ZNF302: variants seen among roughly 807,000 people sequenced by gnomAD.
ZNF302 encodes the protein zinc finger protein 302.
A neutral mutation model predicts 10.8 loss-of-function variants in ZNF302; 12 were observed. That is an observed-to-expected ratio of 1.11 (90% CI 0.71 to 1.79). The LOEUF is 1.79. Ranked by LOEUF, ZNF302 falls within the 40% of genes most tolerant of loss-of-function variation. The pLI, the probability that ZNF302 is intolerant of heterozygous loss-of-function variation, is 0.00. For missense variants in ZNF302, 461 were observed against 471.1 expected, an observed-to-expected ratio of 0.98 and a Z score of 0.20; for synonymous variants, 178 against 157.5, an observed-to-expected ratio of 1.13 and a Z score of -0.98.
intron 2 of ZNF302, among the ~76,000 whole-genome samples, chr19:34,680,200 G>A (rs1342738508): frequency 6.6e-6 from 1 of 152,062 alleles, no homozygotes; most frequent in African/African-American, 2.4e-5. Context: ...CAAAGTAAAG[G>A]CTAAAGTGAA....
intron 4 of ZNF302, chr19:34,683,943 A>T: frequency 7.8e-7 from 1 of 1,281,796 alleles, no homozygotes; most frequent in Non-Finnish European, 9.9e-7. Context: ...TCCACATCTT[A>T]TTTCTGATAC....
chr19:34,677,686 C>G lies in ZNF302; in HGVS notation c.-486C>G, dbSNP rs34042212. On this transcript the variant is annotated 5_prime_UTR_variant, in exon 1 of 5. Coordinates refer to ENST00000505242, the MANE Select transcript of ZNF302 (RefSeq NM_001289187.2). ...CGTGGGCGGTGCACTGGGTCAGTCC[C>G]GCGATAGCTTCAGGCCTGGCGGCGG... 10 of 152,352 alleles carry G rather than the reference C, an allele frequency of 6.6e-5. No homozygotes were observed. Among genetic ancestry groups the G allele is most frequent in the Non-Finnish European group, 1.0e-4 (7 of 68,156 alleles). 9.4% of individuals were successfully genotyped at this position (152,352 alleles called of 1,614,324 possible). A position where few individuals can be genotyped will look rare whatever the true frequency, so the allele number is the denominator to read the frequency against.
rs201755163 is a variant in ZNF302, at chr19:34,684,882, A to G, written c.845A>G (p.Glu282Gly). 727 of 1,613,828 alleles carry G rather than the reference A, an allele frequency of 4.5e-4. 1 individual carries two copies. The highest frequency in any genetic ancestry group is 5.8e-4 in the Non-Finnish European group (690 of 1,179,852). The change falls in exon 5 of 5, where the codon GAG becomes GGG. Residue 282 changes from glutamate to glycine, a missense_variant. Glu to Gly is a moderately conservative substitution (Grantham distance 98). Transcript: ENST00000505242. Reference sequence around the variant, plus strand: ...AACCATCAGAGCACTCACACGGGAGAGAAACCGTATGAATGTATGAACTGT... The same window carrying G: ...AACCATCAGAGCACTCACACGGGAGGGAAACCGTATGAATGTATGAACTGT... ...LTNHQSTHTG[E>G]KPYECMNCGK...
In ZNF302 at chr19:34,684,158, T is replaced by C. The variant is rs577153165; in HGVS notation, c.215-94T>C. 97 of 1,150,376 alleles carry C rather than the reference T, an allele frequency of 8.4e-5. 1 individual carries two copies. The Middle Eastern group carries it at 1.8e-3, about 22-fold the overall frequency. 71.3% of individuals were successfully genotyped at this position (1,150,376 alleles called of 1,614,324 possible). On this transcript the variant is annotated intron_variant, in intron 4 of 4. Transcript: ENST00000505242. ...ATTCTCCTAATTCCACTGTAGAAGC[T>C]TTTTTCAAGAAGTAAAAAAAAAAAA... is the stretch of plus-strand genomic sequence containing the variant.
rs1420753821 is a variant in ZNF302 at position 34,682,817 on chromosome 19, A to G, written c.50A>G (p.Glu17Gly). 16 of 1,613,628 alleles carry G rather than the reference A, an allele frequency of 9.9e-6. No homozygotes were observed. The South Asian group carries it at 1.4e-4, about 14-fold the overall frequency. Reference sequence around the variant, plus strand: ...GTGGCTATAGACTTCTCTCATGAAGAGTGGGCATGCCTAGATTCTGCTCAG... The same window carrying G: ...GTGGCTATAGACTTCTCTCATGAAGGGTGGGCATGCCTAGATTCTGCTCAG... ...SDVAIDFSHE[E>G]WACLDSAQRD... Residue 17 changes from glutamate to glycine, a missense_variant, in exon 3 of 5, where the codon GAG (glutamate) becomes GGG (glycine). Coordinates refer to ENST00000505242, the MANE Select transcript of ZNF302 (RefSeq NM_001289187.2).
In ZNF302 at chr19:34,685,354, C is replaced by G; in HGVS notation, c.*117C>G. Reference sequence around the variant, plus strand: ...GGAAAGCCTTTAGTCATAGGTCGTCCCTGCTTCAACATCACAGTATTCATA... The same window carrying G: ...GGAAAGCCTTTAGTCATAGGTCGTCGCTGCTTCAACATCACAGTATTCATA... On this transcript the variant is annotated 3_prime_UTR_variant, in exon 5 of 5. Transcript: ENST00000505242. The G allele has an allele frequency of 6.2e-7, 1 of 1,613,458 alleles. No individual in the cohort carries two copies. Among genetic ancestry groups the G allele is most frequent in the Admixed American group, 1.7e-5 (1 of 59,978 alleles).
rs1029991913 is a variant in ZNF302, at chr19:34,683,186, G to A, written c.162G>A (p.Met54Ile). The change falls in exon 4 of 5, where the codon ATG becomes ATA. Residue 54 changes from methionine to isoleucine, a missense_variant. Physicochemically the swap from Met to Ile is conservative, Grantham distance 10 (BLOSUM62 1). Coordinates refer to ENST00000505242, the MANE Select transcript of ZNF302 (RefSeq NM_001289187.2). ...GLSVTKPYVIMLLEDGKEPWM... is the reference protein window; with the variant it reads ...GLSVTKPYVIILLEDGKEPWM... ...CCGTAACTAAGCCATATGTGATCAT[G>A]TTATTGGAGGATGGAAAAGAGCCCT... 2 of 1,614,104 alleles carry A rather than the reference G, an allele frequency of 1.2e-6. No homozygotes were observed. The highest frequency in any genetic ancestry group is 1.3e-5 in the African/African-American group (1 of 75,034).
Position 34,683,230 on chromosome 19 carries a change from T to G in ZNF302, c.206T>G (p.Leu69Arg). The G allele has an allele frequency of 6.2e-7, 1 of 1,614,054 alleles. No individual in the cohort carries two copies. Among genetic ancestry groups the G allele is most frequent in the Non-Finnish European group, 8.5e-7 (1 of 1,179,926 alleles). The change falls in exon 4 of 5, where the codon CTG (leucine) becomes CGG (arginine). Residue 69 changes from leucine (L) to arginine (R), a missense_variant. Transcript: ENST00000505242. ...GKEPWMMEKK[L>R]SKDWESRWEN... ...GAGCCCTGGATGATGGAGAAAAAAC[T>G]GTCAAAAGGTATGATTCCACATGAG...
chr19:34,683,203 A>G lies in ZNF302; in HGVS notation c.179A>G (p.Lys60Arg). The G allele has an allele frequency of 6.2e-7, 1 of 1,614,122 alleles. No individual in the cohort carries two copies. The highest frequency in any genetic ancestry group is 1.6e-4 in the Middle Eastern group (1 of 6,062). The change falls in exon 4 of 5, where the codon AAA (lysine) becomes AGA (arginine). Residue 60 changes from lysine to arginine, a missense_variant. By Grantham distance (26) the Lys-to-Arg change is conservative (BLOSUM62 2). Transcript: ENST00000505242. ...PYVIMLLEDG[K>R]EPWMMEKKLS... ...GTGATCATGTTATTGGAGGATGGAA[A>G]AGAGCCCTGGATGATGGAGAAAAAA...
chr19:34,677,452 A>T (rs1271719640), upstream of ZNF302: 1 of 152,232 alleles, frequency 6.6e-6, no homozygotes, highest in Non-Finnish European at 1.5e-5. Flanking sequence ...GTGCCCCAGG[A>T]CAATTTGCGC....
Position 34,682,866 on chromosome 19 carries a change from G to A in ZNF302, c.99G>A (p.Met33Ile), listed in dbSNP as rs1437381874. Residue 33 changes from methionine (M) to isoleucine (I), a missense_variant, in exon 3 of 5, where the codon ATG becomes ATA. Physicochemically the swap from Met to Ile is conservative, Grantham distance 10. Transcript: ENST00000505242. ...SAQRDLYKDV[M>I]VQNYENLVSV... Reference sequence around the variant, plus strand: ...AGAGGGACTTATACAAGGATGTGATGGTCCAGAATTATGAGAACCTGGTCT... The same window carrying A: ...AGAGGGACTTATACAAGGATGTGATAGTCCAGAATTATGAGAACCTGGTCT... 2.5e-6 allele frequency: 4 copies of A among 1,613,788 alleles called. No homozygotes were observed. The highest frequency in any genetic ancestry group is 1.1e-5 in the South Asian group (1 of 91,084).
At chr19:34,679,050 TA>T (rs1333674057) in intron 2 of ZNF302, among the ~76,000 whole-genome samples, 1 of 152,236 alleles carries the variant, frequency 6.6e-6, no homozygotes, top group African/African-American at 2.4e-5. Flanking sequence ...GCCAACATTT[TA>T]AAACTGTAAT....
chr19:34,684,563 T>A lies in ZNF302; in HGVS notation c.526T>A (p.Ser176Thr), dbSNP rs144593070. ...RINGGKKLLN[S>T]NKSGAAFNQS... is the part of the protein sequence containing the mutation. ...AAATGGTGGAAAGAAACTTTTAAATTCTAATAAAAGTGGGGCAGCCTTCAA... is the reference window on the plus strand; with the variant it reads ...AAATGGTGGAAAGAAACTTTTAAATACTAATAAAAGTGGGGCAGCCTTCAA... The change falls in exon 5 of 5, where the codon TCT becomes ACT. Residue 176 changes from serine to threonine, a missense_variant. Transcript: ENST00000505242. 612 of 1,613,838 alleles carry A rather than the reference T, an allele frequency of 3.8e-4. 3 individuals are homozygous for A. In the African/African-American group the frequency reaches 6.0e-3, roughly 16 times the overall value.
chr19:34,685,852 T>G lies in ZNF302; in HGVS notation c.*615T>G, dbSNP rs766135123. ...GTATTAATCCCTTAATTGACCTAAG[T>G]ATACTCACACTAGGAAAAATCTGTG... On this transcript the variant is annotated 3_prime_UTR_variant, in exon 5 of 5. Coordinates refer to ENST00000505242, the MANE Select transcript of ZNF302 (RefSeq NM_001289187.2). 2 of 275,184 alleles carry G rather than the reference T, an allele frequency of 7.3e-6. No homozygotes were observed. Among genetic ancestry groups the G allele is most frequent in the Middle Eastern group, 1.1e-3 (1 of 904 alleles). The allele number at this position is 275,184 out of a possible 1,614,324, so 17.0% of individuals were successfully genotyped here.
intron 4 of ZNF302, 118 bp from the exon 5 acceptor site, chr19:34,684,134 T>G (rs539471868): frequency 1.3e-4 from 197 of 1,499,386 alleles, no homozygotes; most frequent in Non-Finnish European, 1.7e-4. Context: ...TCTTATCCAA[T>G]TCTCCTAATT....
Position 34,685,152 on chromosome 19 carries a change from A to T in ZNF302, c.1115A>T (p.Asn372Ile). ...IHSMKKKYEC[N>I]KCLKVFSSFS... ...AGTATGAAGAAAAAATATGAATGCA[A>T]CAAATGTCTCAAGGTCTTTAGTAGC... The change falls in exon 5 of 5, where the codon AAC becomes ATC. Residue 372 changes from asparagine (N) to isoleucine (I), a missense_variant. Asn to Ile is a moderately radical substitution (Grantham distance 149). Transcript: ENST00000505242. 1 of 1,610,596 alleles carries T rather than the reference A, an allele frequency of 6.2e-7. No homozygotes were observed. The highest frequency in any genetic ancestry group is 1.1e-5 in the South Asian group (1 of 90,358).
Position 34,685,443 on chromosome 19 carries a change from C to T in ZNF302, c.*206C>T. ...ACCTTCAGCTGTAGTTCAAACCTTA[C>T]TGTACATCAGAGAATTCATACTGGA... On this transcript the variant is annotated 3_prime_UTR_variant, in exon 5 of 5. Transcript: ENST00000505242. The T allele has an allele frequency of 1.3e-6, 2 of 1,599,064 alleles. No individual in the cohort carries two copies. The highest frequency in any genetic ancestry group is 1.7e-6 in the Non-Finnish European group (2 of 1,166,806).
rs1262430124 is a variant in ZNF302 at position 34,684,812 on chromosome 19, T to G, written c.775T>G (p.Cys259Gly). 2.2e-5 allele frequency: 35 copies of G among 1,613,762 alleles called. 1 individual carries two copies. The highest frequency in any genetic ancestry group is 3.0e-5 in the Non-Finnish European group (35 of 1,179,806). ...CCATAGTGGAGAGAAACCTTACAAA[T>G]GCATTGAATGTGGGAAGGCCTTTAG... ...ISHSGEKPYK[C>G]IECGKAFSHG... Residue 259 changes from cysteine to glycine, a missense_variant, in exon 5 of 5, where the codon TGC (cysteine) becomes GGC (glycine). Cys to Gly is a radical substitution (Grantham distance 159, BLOSUM62 -3). Transcript: ENST00000505242.
chr19:34,682,838 C>T lies in ZNF302; in HGVS notation c.71C>T (p.Ala24Val). The change falls in exon 3 of 5, where the codon GCT becomes GTT. Residue 24 changes from alanine (A) to valine (V), a missense_variant. Coordinates refer to ENST00000505242, the MANE Select transcript of ZNF302 (RefSeq NM_001289187.2). ...SHEEWACLDS[A>V]QRDLYKDVMV... ...GAAGAGTGGGCATGCCTAGATTCTG[C>T]TCAGAGGGACTTATACAAGGATGTG... 8 of 1,613,848 alleles carry T rather than the reference C, an allele frequency of 5.0e-6. No individual in the cohort carries two copies. The highest frequency in any genetic ancestry group is 6.8e-6 in the Non-Finnish European group (8 of 1,179,756).
Sources: allele counts gnomAD v4.1 joint callset (sites outside exome capture counted in the v4.1 genomes callset), GRCh38; gene constraint gnomAD v4.1.1; transcripts MANE v1.5; gene names NCBI Gene and HGNC (gene_info 2026-07-23, HGNC 2026-07-21).